EPHA6: variants seen among roughly 807,000 people sequenced by gnomAD.
EPHA6 encodes the protein ephrin type-A receptor 6.
A neutral mutation model predicts 112.0 loss-of-function variants in EPHA6; 50 were observed. The observed-to-expected ratio is 0.45, with a 90% confidence interval of 0.36 to 0.56. The LOEUF (loss-of-function observed/expected upper bound fraction) is 0.56, where lower values mean the gene tolerates loss of function less well. EPHA6 is among the 20% of genes least tolerant of loss of function. The pLI, the probability that EPHA6 is intolerant of heterozygous loss-of-function variation, is 0.00. For missense variants in EPHA6, 1,280 were observed against 1,417.4 expected, an observed-to-expected ratio of 0.90 and a Z score of 1.56; for synonymous variants, 529 against 490.7, an observed-to-expected ratio of 1.08 and a Z score of -1.03.
intron 14 of EPHA6, among the ~76,000 whole-genome samples, chr3:97,657,354 T>A (rs557995671): frequency 3.4e-4 from 51 of 151,910 alleles, no homozygotes; most frequent in Non-Finnish European, 6.8e-4. Flanking sequence ...AAGTAAAAAC[T>A]AACAAAGAAG....
chr3:97,183,127 T>A (rs1409191730), intron 3 of EPHA6, among the ~76,000 whole-genome samples: 1 of 152,126 alleles, frequency 6.6e-6, no homozygotes, highest in East Asian at 1.9e-4. Context: ...TGTGCAATTG[T>A]AATTCATAAG....
chr3:97,004,018 C>A (rs1576301944), intron 3 of EPHA6, among the ~76,000 whole-genome samples: 1 of 152,160 alleles, frequency 6.6e-6, no homozygotes, highest in East Asian at 1.9e-4. Flanking sequence ...TATATAGATA[C>A]CACGTTTCTG....
intron 2 of EPHA6, among the ~76,000 whole-genome samples, chr3:96,906,135 A>C (rs770499805): frequency 2.6e-5 from 4 of 152,068 alleles, no homozygotes; most frequent in Non-Finnish European, 4.4e-5. Flanking sequence ...TTCCTGTTTT[A>C]AAAAACTGAA....
At chr3:97,683,544 A>G (rs1381054833) in intron 14 of EPHA6, among the ~76,000 whole-genome samples, 1 of 152,118 alleles carries the variant, frequency 6.6e-6, no homozygotes, top group Non-Finnish European at 1.5e-5. Context: ...AAACCTTACA[A>G]TTTTACAGAG....
chr3:96,874,189 G>A lies in EPHA6; in HGVS notation c.450+7300G>A, dbSNP rs771703235. Among the ~76,000 whole-genome samples, 7 of 152,200 alleles carry A rather than the reference G, an allele frequency of 4.6e-5. No individual in the cohort carries two copies. In the South Asian group the frequency reaches 1.2e-3, roughly 27 times the overall value. ...TAGTTACAGTGTTGTTAGAAAGACCGATTTTGTTTAAAAGGATACATAGTT... is the reference window on the plus strand; with the variant it reads ...TAGTTACAGTGTTGTTAGAAAGACCAATTTTGTTTAAAAGGATACATAGTT... On this transcript the variant is annotated intron_variant, in intron 2 of 17. Transcript: ENST00000389672.
chr3:97,106,900 AT>A (rs2047587144), intron 3 of EPHA6, among the ~76,000 whole-genome samples: 2 of 152,158 alleles, frequency 1.3e-5, no homozygotes, highest in African/African-American at 4.8e-5. Context: ...TCAATAACTT[AT>A]CAAGTGTATA....
At chr3:96,875,579 A>G (rs2107489283) in intron 2 of EPHA6, among the ~76,000 whole-genome samples, 1 of 152,228 alleles carries the variant, frequency 6.6e-6, no homozygotes, top group East Asian at 1.9e-4. Flanking sequence ...GATGTGAAGT[A>G]TTTATTGATG....
chr3:97,117,895 G>A (rs1025418945), intron 3 of EPHA6, among the ~76,000 whole-genome samples: 10 of 151,626 alleles, frequency 6.6e-5, no homozygotes, highest in African/African-American at 2.4e-4. Flanking sequence ...TCTTATATGT[G>A]GTAGTTCATA....
At chr3:97,011,254 G>A (rs1386272473) in intron 3 of EPHA6, among the ~76,000 whole-genome samples, 1 of 152,184 alleles carries the variant, frequency 6.6e-6, no homozygotes, top group Non-Finnish European at 1.5e-5. Flanking sequence ...GTGCAGGTCT[G>A]CTTGTTGTTT....
At chr3:96,844,665 G>A (rs2107340438) in intron 1 of EPHA6, among the ~76,000 whole-genome samples, 1 of 151,904 alleles carries the variant, frequency 6.6e-6, no homozygotes, top group East Asian at 1.9e-4. Flanking sequence ...CATCTCATGA[G>A]GACTAAAGAT....
At chr3:96,890,467 T>C (rs1367228431) in intron 2 of EPHA6, among the ~76,000 whole-genome samples, 1 of 152,188 alleles carries the variant, frequency 6.6e-6, no homozygotes, top group African/African-American at 2.4e-5. Flanking sequence ...GATTGATAGA[T>C]ATGTTATTTA....
rs2091597807 is a variant in EPHA6, at chr3:97,482,958, A to C, written c.2075-976A>C. On this transcript the variant is annotated intron_variant, in intron 9 of 17. Coordinates refer to ENST00000389672, the MANE Select transcript of EPHA6 (RefSeq NM_001080448.3). ...TCCTGTCTAGAGATCTAAAATGGAA[A>C]ATGGAAATTAATGAGCCAGCTTGGT... Among the ~76,000 whole-genome samples, 3 of 152,136 alleles carry C rather than the reference A, an allele frequency of 2.0e-5. No individual in the cohort carries two copies. The South Asian group carries it at 6.2e-4, about 32-fold the overall frequency.
rs760135539 is a variant in EPHA6 at position 96,814,941 on chromosome 3, A to G, written c.318A>G (p.Gln106=). Residue 106 remains glutamine, a synonymous_variant, in exon 1 of 18, where the codon CAA becomes CAG. Coordinates refer to ENST00000389672, the MANE Select transcript of EPHA6 (RefSeq NM_001080448.3). ...GCGAAGTCCGGGAATTTCTTTTGCA[A>G]TTTGGTTTCTTCTTGCCTCTGCTGA... ...GGCEVREFLL[Q]FGFFLPLLTA... is the part of the protein sequence containing the mutation. 36 of 1,550,878 alleles carry G rather than the reference A, an allele frequency of 2.3e-5. 1 individual carries two copies. The South Asian group carries it at 3.2e-4, about 14-fold the overall frequency.
intron 1 of EPHA6, among the ~76,000 whole-genome samples, chr3:96,815,478 C>T (rs2032702989): frequency 6.6e-6 from 1 of 152,120 alleles, no homozygotes; most frequent in Non-Finnish European, 1.5e-5. Context: ...GTGACTGCCG[C>T]CCTCGCCCAG....
intron 5 of EPHA6, among the ~76,000 whole-genome samples, chr3:97,403,890 A>C (rs929088785): frequency 6.6e-6 from 1 of 152,054 alleles, no homozygotes; most frequent in African/African-American, 2.4e-5. Flanking sequence ...CATTATAATT[A>C]TTTGTTATTC....
intron 5 of EPHA6, among the ~76,000 whole-genome samples, chr3:97,329,592 T>G (rs1576990375): frequency 6.6e-6 from 1 of 152,146 alleles, no homozygotes; most frequent in Non-Finnish European, 1.5e-5. Context: ...TTTTCATGTG[T>G]CTTTTGGCTG....
intron 1 of EPHA6, among the ~76,000 whole-genome samples, chr3:96,863,431 T>C (rs1559782158): frequency 1.3e-5 from 2 of 151,970 alleles, no homozygotes; most frequent in Non-Finnish European, 2.9e-5. Context: ...AAATATTTAC[T>C]ACATATCTCT....
chr3:96,968,787 A>G (rs922638577), intron 2 of EPHA6, among the ~76,000 whole-genome samples: 5 of 151,916 alleles, frequency 3.3e-5, no homozygotes, highest in Admixed American at 6.6e-5. Flanking sequence ...GCGAATGACT[A>G]TTAAGCATTG....
intron 5 of EPHA6, among the ~76,000 whole-genome samples, chr3:97,314,673 G>A (rs945940878): frequency 1.3e-5 from 2 of 151,570 alleles, no homozygotes; most frequent in Non-Finnish European, 3.0e-5. Context: ...TTTATAAAAA[G>A]TTGATGGGAA....
Sources: allele counts gnomAD v4.1 joint callset (sites outside exome capture counted in the v4.1 genomes callset), GRCh38; gene constraint gnomAD v4.1.1; transcripts MANE v1.5; gene names NCBI Gene and HGNC (gene_info 2026-07-23, HGNC 2026-07-21).